FGGY: variants seen among roughly 807,000 people sequenced by gnomAD.
The protein encoded by FGGY is FGGY carbohydrate kinase domain containing.
A neutral mutation model predicts 71.3 loss-of-function variants in FGGY; 72 were observed. That is an observed-to-expected ratio of 1.01 (90% CI 0.84 to 1.23). The LOEUF is 1.23. Among genes scored for constraint, FGGY ranks in the 50% most tolerant of loss-of-function variants. The pLI, the probability that FGGY is intolerant of heterozygous loss-of-function variation, is 0.00. For synonymous variants in FGGY, 251 were observed against 250.3 expected (o/e 1.00, Z -0.02); for missense variants, 668 against 682.3 (o/e 0.98, Z 0.23).
At chr1:59,525,411 G>A (rs1319446627) in intron 7 of FGGY, among the ~76,000 whole-genome samples, 1 of 152,174 alleles carries the variant, frequency 6.6e-6, no homozygotes, top group African/African-American at 2.4e-5. Context: ...GGCTGGCAAA[G>A]TGACACCCCG....
At position 59,587,756 on chromosome 1, in the gene FGGY, C is replaced by G. The variant is rs1339676706; in HGVS notation, c.904-20047C>G. Among the ~76,000 whole-genome samples the G allele has an allele frequency of 9.2e-5, 14 of 152,254 alleles. No individual in the cohort carries two copies. In the East Asian group the frequency reaches 2.5e-3, roughly 27 times the overall value. ...AGGGTCCTGTCTGTTAGAAGGAAAA[C>G]TAACAAACAGAAAGGACATCCACAC... On this transcript the variant is annotated intron_variant, in intron 8 of 15. Transcript: ENST00000303721.
At chr1:59,308,978 G>A (rs2043847819) in intron 1 of FGGY, among the ~76,000 whole-genome samples, 1 of 151,870 alleles carries the variant, frequency 6.6e-6, no homozygotes, top group African/African-American at 2.4e-5. Context: ...AGTGTTTGTG[G>A]ATATGTTCTT....
intron 8 of FGGY, among the ~76,000 whole-genome samples, chr1:59,566,759 G>T (rs961535913): frequency 5.3e-5 from 8 of 152,164 alleles, no homozygotes; most frequent in African/African-American, 1.2e-4. Flanking sequence ...CAGTGATACT[G>T]TCATGTATGT....
intron 9 of FGGY, among the ~76,000 whole-genome samples, chr1:59,616,668 TA>T (rs1157266827): frequency 1.3e-5 from 2 of 152,034 alleles, no homozygotes; most frequent in Non-Finnish European, 2.9e-5. Context: ...ATGGTAATAT[TA>T]ATTGTAATAA....
chr1:59,582,339 CT>C (rs1242854758), intron 8 of FGGY, among the ~76,000 whole-genome samples: 1 of 150,102 alleles, frequency 6.7e-6, no homozygotes. Context: ...GCCATTATTT[CT>C]TCTGTCAGTT....
At chr1:59,592,521 A>G (rs1248305459) in intron 8 of FGGY, among the ~76,000 whole-genome samples, 1 of 152,206 alleles carries the variant, frequency 6.6e-6, no homozygotes, top group African/African-American at 2.4e-5. Flanking sequence ...AATAGCAAAG[A>G]CTTGGAACCA....
intron 13 of FGGY, among the ~76,000 whole-genome samples, chr1:59,669,124 C>T (rs2097352520): frequency 6.6e-6 from 1 of 152,198 alleles, no homozygotes; most frequent in Non-Finnish European, 1.5e-5. Flanking sequence ...TTAATCCTCC[C>T]ATACCACCAA....
At chr1:59,600,747 A>T (rs35738834) in intron 8 of FGGY, among the ~76,000 whole-genome samples, 5,039 of 152,292 alleles carry the variant, frequency 0.033, 133 homozygotes, top group South Asian at 0.095. Context: ...CCATCGACAG[A>T]TAAGGAAACT....
chr1:59,515,923 T>A (rs940251327), intron 7 of FGGY, among the ~76,000 whole-genome samples: 3 of 152,062 alleles, frequency 2.0e-5, no homozygotes, highest in Non-Finnish European at 2.9e-5. Flanking sequence ...ATAGAATAGT[T>A]TTTTTTTGTT....
intron 9 of FGGY, among the ~76,000 whole-genome samples, chr1:59,611,398 T>C (rs1296631220): frequency 1.3e-5 from 2 of 152,024 alleles, no homozygotes; most frequent in East Asian, 3.9e-4. Context: ...GGGTCTAGAG[T>C]GAAACGCCAG....
At chr1:59,299,518 T>C (rs749454575) in intron 1 of FGGY, among the ~76,000 whole-genome samples, 1 of 152,330 alleles carries the variant, frequency 6.6e-6, no homozygotes, top group South Asian at 2.1e-4. Context: ...GTAATAGTTA[T>C]GGGAGTGGAG....
At chr1:59,495,876 G>A (rs1476708829) in intron 6 of FGGY, among the ~76,000 whole-genome samples, 1 of 152,138 alleles carries the variant, frequency 6.6e-6, no homozygotes, top group Non-Finnish European at 1.5e-5. Flanking sequence ...TACTGTTTTA[G>A]TTACTGTAGC....
intron 4 of FGGY, among the ~76,000 whole-genome samples, chr1:59,352,224 T>C (rs992796441): frequency 5.9e-5 from 9 of 152,082 alleles, no homozygotes; most frequent in Non-Finnish European, 1.2e-4. Context: ...CATTGTAGGG[T>C]TAACAAGGTG....
At chr1:59,561,443 A>G (rs1445296882) in intron 8 of FGGY, among the ~76,000 whole-genome samples, 1 of 152,196 alleles carries the variant, frequency 6.6e-6, no homozygotes. Flanking sequence ...AATGAGAGAC[A>G]GACTGTGCAC....
At chr1:59,425,542 A>G (rs925111412) in intron 5 of FGGY, among the ~76,000 whole-genome samples, 2 of 151,978 alleles carry the variant, frequency 1.3e-5, no homozygotes, top group Non-Finnish European at 2.9e-5. Context: ...AATTAGAGCT[A>G]CTCTTCCAGT....
Position 59,547,660 on chromosome 1 carries a change from T to C in FGGY, c.800-6464T>C, listed in dbSNP as rs182262414. 1.3e-3 allele frequency among the ~76,000 whole-genome samples: 196 copies of C among 152,278 alleles called. 2 individuals are homozygous for C. The highest frequency in any genetic ancestry group is 4.4e-3 in the African/African-American group (183 of 41,566). ...TTGCAAAGTGTCAAGCACAAAGCAA[T>C]CTCCCAATAATCAAGGATCTTAGAA... On this transcript the variant is annotated intron_variant, in intron 7 of 15. Coordinates refer to ENST00000303721, the MANE Select transcript of FGGY (RefSeq NM_018291.5).
rs537017620 is a variant in FGGY at position 59,303,564 on chromosome 1, G to A, written c.-15+6414G>A. 5.3e-5 allele frequency among the ~76,000 whole-genome samples: 8 copies of A among 152,160 alleles called. No individual in the cohort carries two copies. The East Asian group carries it at 1.3e-3, about 26-fold the overall frequency. On this transcript the variant is annotated intron_variant, in intron 1 of 15. Coordinates refer to ENST00000303721, the MANE Select transcript of FGGY (RefSeq NM_018291.5). ...TGTGAGTAATGCTGCAATGAACATG[G>A]GAGTACAGCTATTACACCAAGTAGT...
chr1:59,506,776 G>A (rs57954520), intron 6 of FGGY, among the ~76,000 whole-genome samples: 1 of 151,864 alleles, frequency 6.6e-6, no homozygotes, highest in Admixed American at 6.6e-5. Context: ...TCCATCCTGG[G>A]CAACAGAGCG....
intron 14 of FGGY, among the ~76,000 whole-genome samples, chr1:59,698,258 T>G (rs1174009404): frequency 6.6e-6 from 1 of 152,204 alleles, no homozygotes; most frequent in Non-Finnish European, 1.5e-5. Context: ...GCATGTCATA[T>G]GTATCATTTT....
Sources: gnomAD v4.1 joint callset for allele counts (sites outside exome capture counted in the v4.1 genomes callset) on GRCh38, gnomAD v4.1.1 for gene constraint, MANE v1.5 for transcripts, NCBI Gene and HGNC (gene_info 2026-07-23, HGNC 2026-07-21) for gene names.